Variants in SH3PXD2A observed in about 807,000 individuals in gnomAD.
SH3PXD2A encodes SH3 and PX domain-containing protein 2A.
SH3PXD2A carries 32 observed loss-of-function variants against 115.2 expected under a neutral mutation model. The observed-to-expected ratio is 0.28, with a 90% CI of 0.21 to 0.37. The LOEUF is 0.37. Among genes scored for constraint, SH3PXD2A ranks in the 10% least tolerant of loss-of-function variants. SH3PXD2A has a pLI of 1.00. For missense variants in SH3PXD2A, 1,328 were observed against 1,498.7 expected, an observed-to-expected ratio of 0.89 and a Z score of 1.88; for synonymous variants, 610 against 629.1, an observed-to-expected ratio of 0.97 and a Z score of 0.45.
intron 13 of SH3PXD2A, among the ~76,000 whole-genome samples, chr10:103,611,273 G>A (rs1332606425): frequency 6.6e-6 from 1 of 152,206 alleles, no homozygotes; most frequent in Non-Finnish European, 1.5e-5. Flanking sequence ...CTCTGGCAAT[G>A]CCCTGGCTGG....
intron 1 of SH3PXD2A, among the ~76,000 whole-genome samples, chr10:103,824,468 CCT>C (rs1473903828): frequency 6.6e-6 from 1 of 152,188 alleles, no homozygotes; most frequent in Non-Finnish European, 1.5e-5. Flanking sequence ...ATCCACCGAG[CCT>C]CTGAGAACAT....
intron 6 of SH3PXD2A, among the ~76,000 whole-genome samples, chr10:103,684,172 GGACAGCCCTCCTCACACTTCCACCT>G (rs907137161): frequency 9.9e-5 from 15 of 152,156 alleles, no homozygotes; most frequent in East Asian, 1.9e-4. Context: ...CTGTGCTTCA[GGACAGCCCTCCTCACACTTCCACCT>G]GACAGCCCTC....
At chr10:103,809,658 TCTCCCTCC>T (rs1236435369) in intron 1 of SH3PXD2A, among the ~76,000 whole-genome samples, 608 of 7,052 alleles carry the variant, frequency 0.086, 2 homozygotes, top group Middle Eastern at 0.25. Context: ...CCTCCTTCCC[TCTCCCTCC>T]CTCCCTCCCT....
At chr10:103,832,546 G>A (rs2093356) in intron 1 of SH3PXD2A, among the ~76,000 whole-genome samples, 151,849 of 152,302 alleles carry the variant, frequency 1, 75,707 homozygotes, top group Middle Eastern at 1. Context: ...GATGTGGCAC[G>A]TATACACCAT....
intron 6 of SH3PXD2A, among the ~76,000 whole-genome samples, chr10:103,676,415 G>A (rs1320741006): frequency 6.6e-6 from 1 of 152,178 alleles, no homozygotes; most frequent in Non-Finnish European, 1.5e-5. Context: ...GCCCCTTAGG[G>A]ACTAAGTCCA....
At chr10:103,742,861 A>C (rs1217647955) in intron 3 of SH3PXD2A, among the ~76,000 whole-genome samples, 1 of 152,182 alleles carries the variant, frequency 6.6e-6, no homozygotes, top group Non-Finnish European at 1.5e-5. Context: ...CTGAGGGCTG[A>C]TGTGACACCC....
At chr10:103,846,025 G>A (rs529363697) in intron 1 of SH3PXD2A, among the ~76,000 whole-genome samples, 1 of 152,336 alleles carries the variant, frequency 6.6e-6, no homozygotes, top group East Asian at 1.9e-4. Context: ...GTTTCCAACA[G>A]GTCTAAAGTT....
chr10:103,789,351 A>G (rs908421281), intron 2 of SH3PXD2A, among the ~76,000 whole-genome samples: 2 of 152,194 alleles, frequency 1.3e-5, no homozygotes, highest in African/African-American at 4.8e-5. Context: ...ATGCTCTGCC[A>G]GCTGAGGGCT....
chr10:103,843,780 C>G (rs895313604), intron 1 of SH3PXD2A, among the ~76,000 whole-genome samples: 6 of 152,158 alleles, frequency 3.9e-5, no homozygotes, highest in African/African-American at 1.2e-4. Flanking sequence ...GGCTTTGTTC[C>G]TGAAGAGATC....
chr10:103,611,187 A>T (rs529377560), intron 13 of SH3PXD2A, among the ~76,000 whole-genome samples: 9 of 151,776 alleles, frequency 5.9e-5, no homozygotes, highest in African/African-American at 2.2e-4. Flanking sequence ...GCCATCCACC[A>T]CCTCCACTGG....
intron 1 of SH3PXD2A, among the ~76,000 whole-genome samples, chr10:103,818,199 G>C (rs1019740027): frequency 6.6e-6 from 1 of 152,210 alleles, no homozygotes. Context: ...TCCTGCAAGA[G>C]CCAATCAAGA....
At position 103,735,711 on chromosome 10, in the gene SH3PXD2A, CA is replaced by C; in HGVS notation, c.306+20del. Reference sequence around the variant, plus strand: ...TGAAGCCCTCCCCGAGCCCCTCCCCCAGCCCCAGATACACTCTCACCCGGCA... The same window carrying C: ...TGAAGCCCTCCCCGAGCCCCTCCCCCGCCCCAGATACACTCTCACCCGGCA... On this transcript the variant is annotated intron_variant, in intron 4 of 14. Transcript: ENST00000369774. 6.4e-7 allele frequency: 1 copy of C among 1,572,618 alleles called. No individual in the cohort carries two copies. Among genetic ancestry groups the C allele is most frequent in the Non-Finnish European group, 8.7e-7 (1 of 1,143,594 alleles).
rs929831454 is a variant in SH3PXD2A at position 103,594,742 on chromosome 10, T to C, written c.*7074A>G. 1.3e-5 allele frequency: 2 copies of C among 152,210 alleles called. No homozygotes were observed. The highest frequency in any genetic ancestry group is 2.9e-5 in the Non-Finnish European group (2 of 68,032). The allele number at this position is 152,210 out of a possible 1,614,324, so 9.4% of individuals were successfully genotyped here. On this transcript the variant is annotated 3_prime_UTR_variant, in exon 15 of 15. Transcript: ENST00000369774. ...AACTCTTATGGGGAGTGTGCCTTGG[T>C]TATAAGGCAACGCAAAATGGTAGGG...
intron 3 of SH3PXD2A, among the ~76,000 whole-genome samples, chr10:103,760,907 G>T (rs1209893473): frequency 6.6e-6 from 1 of 152,080 alleles, no homozygotes; most frequent in Non-Finnish European, 1.5e-5. Flanking sequence ...CTTTGCAACA[G>T]GATTTATTAT....
In SH3PXD2A at chr10:103,602,423, C is replaced by T. The variant is rs752844276; in HGVS notation, c.2795G>A (p.Arg932His). The change falls in exon 15 of 15, where the codon CGC becomes CAC. Residue 932 changes from arginine to histidine, a missense_variant. Physicochemically the swap from Arg to His is conservative, Grantham distance 29. This residue lies in a region of SH3PXD2A where 574 missense variants were observed against 565.7 expected (regional missense o/e 1.01). Transcript: ENST00000369774. ...GTTGACGGTGTTCAGTGCTTGGACG[C>T]GCCTCTCGATCTTCTCCAGGCTGTC... ...KSDSLEKIER[R>H]VQALNTVNQS... 6.2e-6 allele frequency: 10 copies of T among 1,614,140 alleles called. No homozygotes were observed. Among genetic ancestry groups the T allele is most frequent in the South Asian group, 5.5e-5 (5 of 91,084 alleles).
At chr10:103,786,369 A>C (rs1171547334) in intron 2 of SH3PXD2A, among the ~76,000 whole-genome samples, 1 of 151,814 alleles carries the variant, frequency 6.6e-6, no homozygotes. Flanking sequence ...TCTTTTTTTT[A>C]AAAAAGGGGG....
intron 8 of SH3PXD2A, among the ~76,000 whole-genome samples, chr10:103,631,801 T>A (rs2036783696): frequency 6.6e-6 from 1 of 152,136 alleles, no homozygotes; most frequent in Admixed American, 6.5e-5. Flanking sequence ...GGCTCTCACA[T>A]GGCTTCGCAG....
chr10:103,826,116 G>T (rs148211625), intron 1 of SH3PXD2A, among the ~76,000 whole-genome samples: 1 of 152,224 alleles, frequency 6.6e-6, no homozygotes, highest in East Asian at 1.9e-4. Context: ...AGTATTGTCA[G>T]CAAGTTTTCT....
intron 6 of SH3PXD2A, among the ~76,000 whole-genome samples, chr10:103,682,272 C>T (rs1021804164): frequency 4.6e-5 from 7 of 152,234 alleles, no homozygotes; most frequent in South Asian, 2.1e-4. Context: ...TCAGCCACCT[C>T]GAGCCAGGGA....
Sources: gnomAD v4.1 joint callset for allele counts (sites outside exome capture counted in the v4.1 genomes callset) on GRCh38, gnomAD v4.1.1 for gene constraint, gnomAD v4.1.1 regional missense constraint, MANE v1.5 for transcripts, NCBI Gene and HGNC (gene_info 2026-07-23, HGNC 2026-07-21) for gene names.